HHIP: variants seen among roughly 807,000 people sequenced by gnomAD.
HHIP encodes hedgehog-interacting protein.
In HHIP, 12 loss-of-function variants were observed where a neutral mutation model predicts 74.0. The observed-to-expected ratio is 0.16, with a 90% CI of 0.10 to 0.26. The LOEUF is 0.26. HHIP is among the 10% of genes least tolerant of loss of function. HHIP has a pLI of 1.00. For synonymous variants in HHIP, 309 were observed against 311.6 expected (o/e 0.99, Z 0.09); for missense variants, 788 against 845.0 (o/e 0.93, Z 0.84).
intron 4 of HHIP, among the ~76,000 whole-genome samples, chr4:144,670,059 G>T (rs6537306): frequency 1.3e-5 from 2 of 148,856 alleles, no homozygotes; most frequent in Admixed American, 1.3e-4. Context: ...CAGGAGAATC[G>T]CTTGAACCCA....
intron 11 of HHIP, among the ~76,000 whole-genome samples, chr4:144,734,185 G>A (rs997294908): frequency 1.3e-4 from 20 of 150,564 alleles, no homozygotes; most frequent in African/African-American, 3.9e-4. Context: ...AGAAAAATCA[G>A]TCTAAAAATA....
chr4:144,689,570 T>C (rs936445514), intron 4 of HHIP, among the ~76,000 whole-genome samples: 1 of 152,174 alleles, frequency 6.6e-6, no homozygotes, highest in Non-Finnish European at 1.5e-5. Context: ...AGGAAATAAT[T>C]ACTTTTGATT....
intron 4 of HHIP, among the ~76,000 whole-genome samples, chr4:144,673,824 T>C (rs2126610535): frequency 6.6e-6 from 1 of 152,340 alleles, no homozygotes; most frequent in African/African-American, 2.4e-5. Flanking sequence ...GGGTTTCTTC[T>C]TTGTTGTAGA....
intron 11 of HHIP, among the ~76,000 whole-genome samples, chr4:144,726,210 G>A (rs1730801796): frequency 6.6e-6 from 1 of 151,870 alleles, no homozygotes; most frequent in African/African-American, 2.4e-5. Flanking sequence ...AATGGCATTG[G>A]CTTTTTTATT....
chr4:144,717,509 G>A (rs1025075947), intron 10 of HHIP, among the ~76,000 whole-genome samples: 1 of 152,020 alleles, frequency 6.6e-6, no homozygotes, highest in Non-Finnish European at 1.5e-5. Context: ...ATTTTTCATG[G>A]GGGAGGACCA....
At chr4:144,695,440 G>T (rs757490651) in intron 4 of HHIP, among the ~76,000 whole-genome samples, 8 of 150,970 alleles carry the variant, frequency 5.3e-5, no homozygotes, top group Non-Finnish European at 1.2e-4. Context: ...AGTCAATAGG[G>T]CTCTGAAGTA....
chr4:144,714,362 T>C lies in HHIP; in HGVS notation c.1547+14T>C. On this transcript the variant is annotated intron_variant, in intron 9 of 12. Coordinates refer to ENST00000296575, the MANE Select transcript of HHIP (RefSeq NM_022475.3). ...AGATCGTAATGGGTAGGTTTCCTGA[T>C]ACCACAACAGTATGATATACCAAAT... 4 of 1,612,896 alleles carry C rather than the reference T, an allele frequency of 2.5e-6. No homozygotes were observed. The highest frequency in any genetic ancestry group is 3.4e-6 in the Non-Finnish European group (4 of 1,179,160).
chr4:144,668,426 T>C (rs1728938855), intron 4 of HHIP, among the ~76,000 whole-genome samples: 2 of 151,816 alleles, frequency 1.3e-5, no homozygotes, highest in Admixed American at 6.6e-5. Flanking sequence ...CAGTAGACAT[T>C]ATCAGTGAAA....
chr4:144,646,662 G>C lies in HHIP; in HGVS notation c.-14G>C. Reference sequence around the variant, plus strand: ...CATCCTCCCGCGCCCAGCCCCTGCTGCTCTGGGCAGACGATGCTGAAGATG... The same window carrying C: ...CATCCTCCCGCGCCCAGCCCCTGCTCCTCTGGGCAGACGATGCTGAAGATG... On this transcript the variant is annotated 5_prime_UTR_variant, in exon 1 of 13. Transcript: ENST00000296575. 6.2e-7 allele frequency: 1 copy of C among 1,612,182 alleles called. No individual in the cohort carries two copies. Among genetic ancestry groups the C allele is most frequent in the South Asian group, 1.1e-5 (1 of 90,862 alleles).
At position 144,734,811 on chromosome 4, in the gene HHIP, C is replaced by A. The variant is rs1731062248; in HGVS notation, c.1831C>A (p.Leu611Ile). ...AQTLTSECSR[L>I]CRNGYCTPTG... ...GACACTGACTTCAGAGTGCTCCAGG[C>A]TCTGTCGAAACGGCTACTGCACCCC... Residue 611 changes from leucine (L) to isoleucine (I), a missense_variant, in exon 12 of 13, where the codon CTC becomes ATC. Physicochemically the swap from Leu to Ile is conservative, Grantham distance 5 (BLOSUM62 2). Around this residue, in one of 3 missense-constraint regions of HHIP, gnomAD observed 343 missense variants for 347.9 expected, o/e 0.99. Coordinates refer to ENST00000296575, the MANE Select transcript of HHIP (RefSeq NM_022475.3). 6 of 1,613,114 alleles carry A rather than the reference C, an allele frequency of 3.7e-6. No individual in the cohort carries two copies. Among genetic ancestry groups the A allele is most frequent in the Non-Finnish European group, 5.1e-6 (6 of 1,179,318 alleles).
At chr4:144,658,351 G>GTATTTATTTATT (rs139338114) in intron 2 of HHIP, among the ~76,000 whole-genome samples, 80 of 148,128 alleles carry the variant, frequency 5.4e-4, no homozygotes, top group African/African-American at 1.9e-3. Context: ...TTTTTATTTA[G>GTATTTATTTATT]TATTTATTTA....
chr4:144,653,267 C>T (rs1467423977), intron 2 of HHIP, among the ~76,000 whole-genome samples: 2 of 152,078 alleles, frequency 1.3e-5, no homozygotes, highest in African/African-American at 4.8e-5. Flanking sequence ...TCTTACAAAG[C>T]ACTTTCACAT....
At chr4:144,662,761 AG>A (rs1239499798) in intron 4 of HHIP, among the ~76,000 whole-genome samples, 1 of 152,172 alleles carries the variant, frequency 6.6e-6, no homozygotes, top group Non-Finnish European at 1.5e-5. Context: ...TTTATTCCAA[AG>A]GGCAAAAATT....
At chr4:144,716,138 A>G (rs567800049) in intron 10 of HHIP, among the ~76,000 whole-genome samples, 1 of 152,370 alleles carries the variant, frequency 6.6e-6, no homozygotes, top group South Asian at 2.1e-4. Flanking sequence ...TTAAAAAATA[A>G]TATTCAAACA....
At chr4:144,686,411 G>A (rs1729488791) in intron 4 of HHIP, among the ~76,000 whole-genome samples, 1 of 152,046 alleles carries the variant, frequency 6.6e-6, no homozygotes, top group Non-Finnish European at 1.5e-5. Context: ...AAAAGGCTGG[G>A]TTAAAATACA....
Position 144,742,928 on chromosome 4 carries a change from T to TA in HHIP, c.*4971_*4972insA, listed in dbSNP as rs5862722. ...TTATATATATCTTATATATATATCT[T>TA]TATATATATCTTATATATATATCTT... On this transcript the variant is annotated 3_prime_UTR_variant, in exon 13 of 13. Coordinates refer to ENST00000296575, the MANE Select transcript of HHIP (RefSeq NM_022475.3). 7.2e-5 allele frequency: 9 copies of TA among 125,222 alleles called. No homozygotes were observed. Among genetic ancestry groups the TA allele is most frequent in the South Asian group, 2.4e-4 (1 of 4,164 alleles). The allele number at this position is 125,222 out of a possible 1,614,324, so 7.8% of individuals were successfully genotyped here.
chr4:144,718,952 A>G lies in HHIP; in HGVS notation c.1756A>G (p.Lys586Glu), dbSNP rs1422670223. The G allele has an allele frequency of 1.3e-6, 2 of 1,578,116 alleles. No homozygotes were observed. Among genetic ancestry groups the G allele is most frequent in the Non-Finnish European group, 1.7e-6 (2 of 1,147,712 alleles). The stretch of plus-strand genomic sequence containing the variant: ...AAAACTCTACAAAATTGTAGATCCC[A>G]AAAGGTGAGATTTCCTTTTATCCCA... Reference protein sequence around the residue: ...NGKLYKIVDPKRPLMPEECRA... With the variant: ...NGKLYKIVDPERPLMPEECRA... Residue 586 changes from lysine (K) to glutamate (E), a missense_variant, in exon 11 of 13, where the codon AAA (lysine) becomes GAA (glutamate). Lys to Glu is a moderately conservative substitution (Grantham distance 56). Around this residue, in one of 3 missense-constraint regions of HHIP, gnomAD observed 343 missense variants for 347.9 expected, o/e 0.99. Transcript: ENST00000296575.
chr4:144,666,395 CTCT>C (rs1226189176), intron 4 of HHIP, among the ~76,000 whole-genome samples: 2 of 152,094 alleles, frequency 1.3e-5, no homozygotes, highest in Non-Finnish European at 2.9e-5. Context: ...AGCAGACACT[CTCT>C]TCTTCTTTCT....
chr4:144,688,376 G>T (rs533114068), intron 4 of HHIP, among the ~76,000 whole-genome samples: 3 of 152,136 alleles, frequency 2.0e-5, no homozygotes, highest in African/African-American at 7.2e-5. Flanking sequence ...TGCTTCTATA[G>T]AATTAATTGG....
Sources: gnomAD v4.1 joint callset for allele counts (sites outside exome capture counted in the v4.1 genomes callset) on GRCh38, gnomAD v4.1.1 for gene constraint, gnomAD v4.1.1 regional missense constraint, MANE v1.5 for transcripts, NCBI Gene and HGNC (gene_info 2026-07-23, HGNC 2026-07-21) for gene names.